Variants in MPPED2 observed in about 807,000 individuals in gnomAD.
MPPED2 encodes the protein metallophosphoesterase domain containing 2.
MPPED2 carries 5 observed loss-of-function variants against 33.0 expected under a neutral mutation model. The ratio of observed to expected loss-of-function variants is 0.15; its 90% CI spans 0.08 to 0.32. The LOEUF (loss-of-function observed/expected upper bound fraction) is 0.32. Among genes scored for constraint, MPPED2 ranks in the 10% least tolerant of loss-of-function variants. The pLI is 1.00. For missense variants in MPPED2, 275 were observed against 372.1 expected (o/e 0.74, Z 2.15); for synonymous variants, 136 against 141.9 (o/e 0.96, Z 0.29).
At chr11:30,406,006 A>G (rs961303165), downstream of MPPED2, among the ~76,000 whole-genome samples, 3 of 152,164 alleles carry the variant, frequency 2.0e-5, no homozygotes, top group Non-Finnish European at 2.9e-5. Flanking sequence ...GACCTGACAT[A>G]CACATGTATG....
chr11:30,435,458 G>C (rs139972269), intron 4 of MPPED2, among the ~76,000 whole-genome samples: 2 of 152,176 alleles, frequency 1.3e-5, no homozygotes, highest in Admixed American at 1.3e-4. Context: ...AGTGACACTC[G>C]ATCACAGTGG....
intron 3 of MPPED2, among the ~76,000 whole-genome samples, chr11:30,525,871 G>A (rs1014294554): frequency 6.6e-6 from 1 of 152,162 alleles, no homozygotes; most frequent in Non-Finnish European, 1.5e-5. Context: ...CCATAACACA[G>A]AGGATTGGGT....
chr11:30,542,637 A>C (rs1955191582), intron 2 of MPPED2, among the ~76,000 whole-genome samples: 1 of 152,028 alleles, frequency 6.6e-6, no homozygotes, highest in Admixed American at 6.6e-5. Flanking sequence ...TAAAAAAATA[A>C]AAATAAAAAT....
chr11:30,389,883 T>G (rs1352250602), intron 6 of MPPED2, among the ~76,000 whole-genome samples: 1 of 152,122 alleles, frequency 6.6e-6, no homozygotes, highest in African/African-American at 2.4e-5. Context: ...ATTTGGGGCA[T>G]CAGAGTACAA....
chr11:30,408,859 G>A (rs1423878931), downstream of MPPED2, among the ~76,000 whole-genome samples: 1 of 152,200 alleles, frequency 6.6e-6, no homozygotes, highest in Non-Finnish European at 1.5e-5. Context: ...CGGATAGGAA[G>A]TGCCCAATTT....
chr11:30,585,556 A>G (rs528287057), intron 1 of MPPED2, among the ~76,000 whole-genome samples: 95 of 152,152 alleles, frequency 6.2e-4, no homozygotes, highest in African/African-American at 2.0e-3. Context: ...GGGACTTTCT[A>G]GTAAACAGCT....
At chr11:30,499,276 T>C (rs557146691) in intron 3 of MPPED2, among the ~76,000 whole-genome samples, 3 of 152,244 alleles carry the variant, frequency 2.0e-5, no homozygotes, top group Non-Finnish European at 4.4e-5. Context: ...AGGTTGAGCA[T>C]CCTTTATCTG....
chr11:30,449,688 C>T (rs948695963), intron 4 of MPPED2, among the ~76,000 whole-genome samples: 1 of 152,128 alleles, frequency 6.6e-6, no homozygotes, highest in African/African-American at 2.4e-5. Flanking sequence ...TATCTGTTCT[C>T]CCCTTTTCTG....
chr11:30,550,838 T>C (rs1348770010), intron 2 of MPPED2, among the ~76,000 whole-genome samples: 4 of 152,210 alleles, frequency 2.6e-5, no homozygotes, highest in Non-Finnish European at 5.9e-5. Flanking sequence ...CAGTGTTTTC[T>C]CACAAGTGAT....
chr11:30,435,633 A>C (rs1949289607), intron 4 of MPPED2, among the ~76,000 whole-genome samples: 1 of 152,190 alleles, frequency 6.6e-6, no homozygotes, highest in Admixed American at 6.5e-5. Flanking sequence ...CAGACACTGG[A>C]CCAACAAAGC....
intron 2 of MPPED2, among the ~76,000 whole-genome samples, chr11:30,579,286 G>T (rs562662572): frequency 6.6e-6 from 1 of 152,008 alleles, no homozygotes; most frequent in Non-Finnish European, 1.5e-5. Context: ...GACATGCCCC[G>T]AGTTCAATTC....
At chr11:30,415,707 G>A (rs145275336) in intron 5 of MPPED2, among the ~76,000 whole-genome samples, 63 of 152,328 alleles carry the variant, frequency 4.1e-4, no homozygotes, top group African/African-American at 1.5e-3. Flanking sequence ...ACCATAAAGA[G>A]AGGGATGCTA....
chr11:30,454,489 AT>A (rs531016305), intron 4 of MPPED2, among the ~76,000 whole-genome samples: 57 of 151,786 alleles, frequency 3.8e-4, no homozygotes, highest in Middle Eastern at 3.4e-3. Flanking sequence ...AAAATTATAA[AT>A]TTTTTTTTAC....
chr11:30,447,268 C>A (rs956129235), intron 4 of MPPED2, among the ~76,000 whole-genome samples: 1 of 152,182 alleles, frequency 6.6e-6, no homozygotes, highest in Non-Finnish European at 1.5e-5. Flanking sequence ...TAACTTCCGA[C>A]AGTCTGATTT....
intron 3 of MPPED2, among the ~76,000 whole-genome samples, chr11:30,519,667 T>C (rs1356126525): frequency 6.6e-6 from 1 of 152,106 alleles, no homozygotes; most frequent in Non-Finnish European, 1.5e-5. Flanking sequence ...AAATGAAGAA[T>C]ACACAATGAA....
At position 30,411,398 on chromosome 11, in the gene MPPED2, T is replaced by C; in HGVS notation, c.*70A>G. On this transcript the variant is annotated 3_prime_UTR_variant, in exon 7 of 7. Transcript: ENST00000358117. ...CAGGGTTTGTAAATAAGTAAGAGAA[T>C]GTAAGTTTATAATTAGAAAAATGGC... 1.3e-6 allele frequency: 2 copies of C among 1,510,698 alleles called. No homozygotes were observed. The highest frequency in any genetic ancestry group is 1.4e-5 in the South Asian group (1 of 71,254). The allele number at this position is 1,510,698 out of a possible 1,614,324, so 93.6% of individuals were successfully genotyped here.
At chr11:30,563,187 C>G (rs1294022221) in intron 2 of MPPED2, among the ~76,000 whole-genome samples, 1 of 152,120 alleles carries the variant, frequency 6.6e-6, no homozygotes, top group African/African-American at 2.4e-5. Flanking sequence ...CCCTCCCTGT[C>G]CTATAGATCA....
chr11:30,526,509 T>C (rs561023360), intron 3 of MPPED2, among the ~76,000 whole-genome samples: 3 of 152,290 alleles, frequency 2.0e-5, no homozygotes, highest in African/African-American at 7.2e-5. Flanking sequence ...AAGAAACTAC[T>C]TGAGTATTAA....
At chr11:30,568,084 T>G (rs1405209850) in intron 2 of MPPED2, among the ~76,000 whole-genome samples, 1 of 152,160 alleles carries the variant, frequency 6.6e-6, no homozygotes, top group East Asian at 1.9e-4. Context: ...ACAATATTAT[T>G]AACAATAATA....
Sources: gnomAD v4.1 joint callset for allele counts (sites outside exome capture counted in the v4.1 genomes callset) on GRCh38, gnomAD v4.1.1 for gene constraint, MANE v1.5 for transcripts, NCBI Gene and HGNC (gene_info 2026-07-23, HGNC 2026-07-21) for gene names.